The following LRMDA variants were observed in gnomAD, a reference collection of about 807,000 sequenced individuals.
The protein encoded by LRMDA is leucine rich melanocyte differentiation associated.
LRMDA carries 18 observed loss-of-function variants against 29.8 expected under a neutral mutation model. The observed-to-expected ratio is 0.60, with a 90% CI of 0.42 to 0.90. LRMDA has a LOEUF of 0.90. Ranked by LOEUF, LRMDA falls within the 40% of genes least tolerant of loss-of-function variation. The pLI is 0.00. For missense variants in LRMDA, 273 were observed against 273.9 expected, an observed-to-expected ratio of 1.00 and a Z score of 0.02; for synonymous variants, 125 against 109.4, an observed-to-expected ratio of 1.14 and a Z score of -0.89.
chr10:76,126,126 C>T (rs948401686), intron 5 of LRMDA, among the ~76,000 whole-genome samples: 13 of 152,174 alleles, frequency 8.5e-5, no homozygotes, highest in East Asian at 3.9e-4. Context: ...AACACATTCC[C>T]GGACTGCCTC....
chr10:76,405,164 A>G (rs1466942803), intron 6 of LRMDA, among the ~76,000 whole-genome samples: 1 of 152,190 alleles, frequency 6.6e-6, no homozygotes, highest in Admixed American at 6.5e-5. Flanking sequence ...TAAAAAACTA[A>G]TACAATTGGC....
At chr10:75,987,068 AT>A (rs533296204) in intron 2 of LRMDA, among the ~76,000 whole-genome samples, 65 of 147,956 alleles carry the variant, frequency 4.4e-4, no homozygotes, top group Admixed American at 5.4e-4. Context: ...TTACGTGTGG[AT>A]TTTTTTTTTT....
chr10:75,908,630 A>G (rs1845796068), intron 2 of LRMDA, among the ~76,000 whole-genome samples: 1 of 152,228 alleles, frequency 6.6e-6, no homozygotes, highest in East Asian at 1.9e-4. Context: ...GTTGTGAAAG[A>G]GATGGCTGGC....
chr10:75,691,594 A>G (rs951391558), intron 2 of LRMDA, among the ~76,000 whole-genome samples: 5 of 152,164 alleles, frequency 3.3e-5, no homozygotes, highest in Non-Finnish European at 7.4e-5. Flanking sequence ...GGCCAATTTC[A>G]TTCTATCAAC....
chr10:76,526,977 AAAATAAATAAATAAATAAATAAAT>A (rs199776614), intron 6 of LRMDA, among the ~76,000 whole-genome samples: 2 of 121,512 alleles, frequency 1.6e-5, no homozygotes, highest in African/African-American at 6.4e-5. Flanking sequence ...AAAGTATAAT[AAAATAAATAAATAAATAAATAAAT>A]AAATAAATAA....
At chr10:75,815,947 GA>G (rs1844051454) in intron 2 of LRMDA, among the ~76,000 whole-genome samples, 1 of 152,218 alleles carries the variant, frequency 6.6e-6, no homozygotes, top group African/African-American at 2.4e-5. Context: ...ACTTGCCCAA[GA>G]TTGTATCTCT....
At chr10:75,844,906 G>A (rs1844606666) in intron 2 of LRMDA, among the ~76,000 whole-genome samples, 1 of 152,164 alleles carries the variant, frequency 6.6e-6, no homozygotes, top group South Asian at 2.1e-4. Context: ...TTTTAGAGCT[G>A]TATGTTTAAA....
intron 2 of LRMDA, among the ~76,000 whole-genome samples, chr10:75,624,817 C>CCACTGAA (rs1841231043): frequency 6.6e-6 from 1 of 152,304 alleles, no homozygotes; most frequent in Non-Finnish European, 1.5e-5. Context: ...TAATTGCTTT[C>CCACTGAA]AGTTCAGTGG....
At chr10:76,041,449 T>C (rs541548261) in intron 3 of LRMDA, among the ~76,000 whole-genome samples, 1 of 152,220 alleles carries the variant, frequency 6.6e-6, no homozygotes, top group South Asian at 2.1e-4. Context: ...TATTTCAGCA[T>C]GATAAATTTC....
intron 2 of LRMDA, among the ~76,000 whole-genome samples, chr10:76,026,657 G>A (rs537401642): frequency 6.6e-6 from 1 of 152,246 alleles, no homozygotes; most frequent in African/African-American, 2.4e-5. Context: ...AGAAGAATGA[G>A]GCATAGAGTT....
chr10:75,468,026 A>G (rs1418200021), intron 2 of LRMDA, among the ~76,000 whole-genome samples: 1 of 151,466 alleles, frequency 6.6e-6, no homozygotes, highest in Non-Finnish European at 1.5e-5. Flanking sequence ...GCTCAGTCAT[A>G]CTTAGGTAGA....
intron 5 of LRMDA, among the ~76,000 whole-genome samples, chr10:76,161,919 C>T (rs1487027887): frequency 6.6e-6 from 1 of 152,172 alleles, no homozygotes; most frequent in East Asian, 1.9e-4. Context: ...TGAGCTTTAG[C>T]TCACATTTCA....
chr10:75,797,042 T>A (rs1462965880), intron 2 of LRMDA, among the ~76,000 whole-genome samples: 1 of 152,238 alleles, frequency 6.6e-6, no homozygotes, highest in Non-Finnish European at 1.5e-5. Context: ...TGTGTAATTT[T>A]GGGTTTTTTT....
chr10:76,373,607 A>T (rs1589155772), intron 6 of LRMDA, among the ~76,000 whole-genome samples: 1 of 152,008 alleles, frequency 6.6e-6, no homozygotes, highest in South Asian at 2.1e-4. Context: ...ATTGGTTTTG[A>T]GTCTTCCCAA....
intron 2 of LRMDA, among the ~76,000 whole-genome samples, chr10:75,891,108 A>C (rs75109784): frequency 9.6e-5 from 1 of 10,434 alleles, no homozygotes; most frequent in South Asian, 2.7e-3. Context: ...CAGTCTCACA[A>C]AAAAAAAAAA....
chr10:75,881,017 C>T (rs747925854), intron 2 of LRMDA, among the ~76,000 whole-genome samples: 1 of 152,106 alleles, frequency 6.6e-6, no homozygotes, highest in Non-Finnish European at 1.5e-5. Flanking sequence ...ACCTGGAGTC[C>T]ACCTGGCTTC....
At chr10:75,846,619 A>T (rs1438575403) in intron 2 of LRMDA, among the ~76,000 whole-genome samples, 1 of 152,194 alleles carries the variant, frequency 6.6e-6, no homozygotes, top group African/African-American at 2.4e-5. Flanking sequence ...TTCATTCCAC[A>T]AATATTTCAT....
intron 2 of LRMDA, among the ~76,000 whole-genome samples, chr10:75,778,639 T>C (rs889784104): frequency 2.6e-5 from 4 of 152,140 alleles, no homozygotes; most frequent in Non-Finnish European, 5.9e-5. Flanking sequence ...ACTCCTACCT[T>C]TAGAGAACTT....
chr10:76,316,780 C>A (rs563465998), intron 5 of LRMDA, among the ~76,000 whole-genome samples: 2 of 152,326 alleles, frequency 1.3e-5, no homozygotes, highest in African/African-American at 4.8e-5. Context: ...ACTAAATCTT[C>A]AGCAAGAATT....
Sources: gnomAD v4.1 joint callset for allele counts (sites outside exome capture counted in the v4.1 genomes callset) on GRCh38, gnomAD v4.1.1 for gene constraint, MANE v1.5 for transcripts, NCBI Gene and HGNC (gene_info 2026-07-23, HGNC 2026-07-21) for gene names.